BTBD9: variants seen among roughly 807,000 people sequenced by gnomAD.
BTBD9 encodes the protein BTB/POZ domain-containing protein 9.
A neutral mutation model predicts 64.3 loss-of-function variants in BTBD9; 49 were observed. The observed-to-expected ratio is 0.76, with a 90% confidence interval of 0.61 to 0.97. The LOEUF (loss-of-function observed/expected upper bound fraction) is 0.97, where lower values mean the gene tolerates loss of function less well. Among genes scored for constraint, BTBD9 ranks in the 50% least tolerant of loss-of-function variants. BTBD9 has a pLI of 0.00. For synonymous variants in BTBD9, 260 were observed against 274.7 expected, an observed-to-expected ratio of 0.95 and a Z score of 0.53; for missense variants, 598 against 762.1, an observed-to-expected ratio of 0.78 and a Z score of 2.53.
chr6:38,318,228 T>C (rs1164008264), intron 7 of BTBD9, among the ~76,000 whole-genome samples: 1 of 152,198 alleles, frequency 6.6e-6, no homozygotes, highest in Non-Finnish European at 1.5e-5. Context: ...CTTTGAAAGG[T>C]CAAATATCTC....
chr6:38,384,931 T>C (rs1360360414), intron 6 of BTBD9, among the ~76,000 whole-genome samples: 2 of 151,924 alleles, frequency 1.3e-5, no homozygotes, highest in East Asian at 1.9e-4. Flanking sequence ...GCTTTAACTG[T>C]AGCTATCTGT....
intron 9 of BTBD9, among the ~76,000 whole-genome samples, chr6:38,219,040 T>C (rs1258922868): frequency 1.3e-5 from 2 of 151,596 alleles, no homozygotes; most frequent in African/African-American, 4.9e-5. Context: ...CAAGGAGCAA[T>C]ACAGCCCAAG....
intron 8 of BTBD9, among the ~76,000 whole-genome samples, chr6:38,264,918 A>G (rs953658117): frequency 2.0e-5 from 3 of 152,196 alleles, no homozygotes; most frequent in African/African-American, 7.2e-5. Flanking sequence ...GGGCAAAGGG[A>G]ACACCAGTCT....
At chr6:38,359,115 T>C (rs1484311035) in intron 6 of BTBD9, among the ~76,000 whole-genome samples, 1 of 152,216 alleles carries the variant, frequency 6.6e-6, no homozygotes, top group Non-Finnish European at 1.5e-5. Context: ...AAGTTAAACA[T>C]GCAGGATGGC....
At chr6:38,393,072 C>A (rs190519520) in intron 6 of BTBD9, among the ~76,000 whole-genome samples, 1 of 152,026 alleles carries the variant, frequency 6.6e-6, no homozygotes, top group African/African-American at 2.4e-5. Flanking sequence ...GACAGGGTTT[C>A]GCCATGTTGG....
At chr6:38,432,838 C>T (rs1582421069) in intron 6 of BTBD9, among the ~76,000 whole-genome samples, 2 of 151,886 alleles carry the variant, frequency 1.3e-5, no homozygotes, top group Admixed American at 6.5e-5. Context: ...CTTGAAAAAC[C>T]TTAACTTCTG....
At chr6:38,450,352 A>G (rs1769471463) in intron 6 of BTBD9, among the ~76,000 whole-genome samples, 4 of 152,216 alleles carry the variant, frequency 2.6e-5, no homozygotes, top group Admixed American at 2.0e-4. Context: ...ACTGTACAGT[A>G]CAGTGACTAC....
intron 6 of BTBD9, among the ~76,000 whole-genome samples, chr6:38,367,179 C>G (rs1335467427): frequency 6.6e-6 from 1 of 152,220 alleles, no homozygotes; most frequent in Non-Finnish European, 1.5e-5. Flanking sequence ...ACTTGCTGCT[C>G]TCAGCTCTGG....
chr6:38,450,303 T>C (rs953288197), intron 6 of BTBD9, among the ~76,000 whole-genome samples: 2 of 152,190 alleles, frequency 1.3e-5, no homozygotes, highest in African/African-American at 4.8e-5. Flanking sequence ...AGTCAAAGAA[T>C]ACATATTTAC....
rs529567694 is a variant in BTBD9 at position 38,174,885 on chromosome 6, G to C, written c.*100C>G. 1 of 1,408,182 alleles carries C rather than the reference G, an allele frequency of 7.1e-7. No homozygotes were observed. The highest frequency in any genetic ancestry group is 2.3e-5 in the East Asian group (1 of 43,020). 87.2% of individuals were successfully genotyped at this position (1,408,182 alleles called of 1,614,324 possible). A position where few individuals can be genotyped will look rare whatever the true frequency, so the allele number is the denominator to read the frequency against. ...CTAGGTCGGCTCCTCCCTGGAAAGG[G>C]GCAGAGGTGGGGGCAGTCAACAGAG... On this transcript the variant is annotated 3_prime_UTR_variant, in exon 11 of 11. Transcript: ENST00000481247.
intron 6 of BTBD9, among the ~76,000 whole-genome samples, chr6:38,554,540 A>G (rs1214837831): frequency 6.6e-6 from 1 of 152,214 alleles, no homozygotes; most frequent in African/African-American, 2.4e-5. Flanking sequence ...TAAGGTATAC[A>G]TTTACTTTTC....
At chr6:38,547,135 T>A (rs959219196) in intron 6 of BTBD9, among the ~76,000 whole-genome samples, 6 of 152,170 alleles carry the variant, frequency 3.9e-5, no homozygotes, top group Admixed American at 2.6e-4. Context: ...TCCTTGGGCC[T>A]CCCTATTCCC....
At chr6:38,358,791 G>A (rs1392770176) in intron 6 of BTBD9, among the ~76,000 whole-genome samples, 1 of 148,700 alleles carries the variant, frequency 6.7e-6, no homozygotes, top group African/African-American at 2.5e-5. Flanking sequence ...TTGAGACGGA[G>A]TCTCGCTCTG....
intron 6 of BTBD9, among the ~76,000 whole-genome samples, chr6:38,526,431 G>T (rs1773495986): frequency 6.6e-6 from 1 of 152,228 alleles, no homozygotes; most frequent in South Asian, 2.1e-4. Context: ...CTGTACTAGG[G>T]CAATGTGGAA....
chr6:38,169,764 T>TCCCCCCCCCCCCCCCCCCCC lies in BTBD9; in HGVS notation c.*5220_*5221insGGGGGGGGGGGGGGGGGGGG, dbSNP rs148610115. The stretch of plus-strand genomic sequence containing the variant: ...GCTGCAGGGCCTCCTCCACCCCCCC[T>TCCCCCCCCCCCCCCCCCCCC]CCCCCCCGCCCATTCAGGGCTATAA... On this transcript the variant is annotated 3_prime_UTR_variant, in exon 11 of 11. Transcript: ENST00000481247. 1 of 78,140 alleles carries TCCCCCCCCCCCCCCCCCCCC rather than the reference T, an allele frequency of 1.3e-5. No homozygotes were observed. Among genetic ancestry groups the TCCCCCCCCCCCCCCCCCCCC allele is most frequent in the Non-Finnish European group, 2.8e-5 (1 of 36,140 alleles). 4.8% of individuals were successfully genotyped at this position (78,140 alleles called of 1,614,324 possible).
chr6:38,513,047 C>T (rs372887412), intron 6 of BTBD9, among the ~76,000 whole-genome samples: 23 of 152,254 alleles, frequency 1.5e-4, no homozygotes, highest in African/African-American at 4.6e-4. Context: ...GTTCTTAGTG[C>T]CCGACCTTTA....
chr6:38,487,195 T>C (rs1186862839), intron 6 of BTBD9, among the ~76,000 whole-genome samples: 2 of 152,216 alleles, frequency 1.3e-5, no homozygotes, highest in East Asian at 3.9e-4. Flanking sequence ...TTTGAAGAAC[T>C]AGACAAAATT....
chr6:38,391,978 G>A lies in BTBD9; in HGVS notation c.1155-46885C>T, dbSNP rs1056019850. On this transcript the variant is annotated intron_variant, in intron 6 of 10. Transcript: ENST00000481247. ...TTTGGATACCCCAGGCAGTCTATTT[G>A]TGGGGCCCATCACATTCTTCCCAGA... 3.9e-5 allele frequency among the ~76,000 whole-genome samples: 6 copies of A among 152,314 alleles called. No individual in the cohort carries two copies. In the East Asian group the frequency reaches 5.8e-4, roughly 15 times the overall value.
intron 10 of BTBD9, among the ~76,000 whole-genome samples, chr6:38,187,388 C>T (rs1761864214): frequency 6.6e-6 from 1 of 152,130 alleles, no homozygotes; most frequent in Non-Finnish European, 1.5e-5. Context: ...TCAAGAAGGA[C>T]CTCCTTGGCC....
Sources: gnomAD v4.1 joint callset for allele counts (sites outside exome capture counted in the v4.1 genomes callset) on GRCh38, gnomAD v4.1.1 for gene constraint, MANE v1.5 for transcripts, NCBI Gene and HGNC (gene_info 2026-07-23, HGNC 2026-07-21) for gene names.